PLCB1: variants seen among roughly 807,000 people sequenced by gnomAD.
PLCB1 encodes 1-phosphatidylinositol 4,5-bisphosphate phosphodiesterase beta-1.
PLCB1 carries 46 observed loss-of-function variants against 161.8 expected under a neutral mutation model. The observed-to-expected ratio is 0.28, with a 90% confidence interval of 0.22 to 0.36. The LOEUF is 0.36. Among genes scored for constraint, PLCB1 ranks in the 10% least tolerant of loss-of-function variants. The pLI is 1.00. For missense variants in PLCB1, 1,016 were observed against 1,472.5 expected (o/e 0.69, Z 5.07); for synonymous variants, 517 against 503.7 (o/e 1.03, Z -0.35).
chr20:8,644,056 T>C (rs1371519221), intron 4 of PLCB1, among the ~76,000 whole-genome samples: 1,570 of 146,974 alleles, frequency 0.011, 1 homozygote, highest in African/African-American at 0.031. Context: ...CTCGGCATCC[T>C]GAGGTGCCGG....
At chr20:8,315,562 ACTTGTGTT>A (rs1568628745) in intron 2 of PLCB1, among the ~76,000 whole-genome samples, 1 of 152,204 alleles carries the variant, frequency 6.6e-6, no homozygotes, top group African/African-American at 2.4e-5. Context: ...ACCCTTTCTC[ACTTGTGTT>A]CTTGTGTTCT....
intron 2 of PLCB1, among the ~76,000 whole-genome samples, chr20:8,306,731 A>T (rs1392148414): frequency 6.6e-6 from 1 of 152,142 alleles, no homozygotes; most frequent in African/African-American, 2.4e-5. Context: ...CTTTTACCCA[A>T]TTTTTTTGTT....
intron 2 of PLCB1, among the ~76,000 whole-genome samples, chr20:8,296,854 CATT>C (rs1300703860): frequency 2.0e-5 from 3 of 152,114 alleles, no homozygotes; most frequent in African/African-American, 7.2e-5. Flanking sequence ...TTCATGCAGA[CATT>C]ATATATCATG....
At chr20:8,471,183 A>G (rs893446517) in intron 3 of PLCB1, among the ~76,000 whole-genome samples, 1 of 152,186 alleles carries the variant, frequency 6.6e-6, no homozygotes, top group Non-Finnish European at 1.5e-5. Flanking sequence ...TTTATATCAA[A>G]AAGGGGTCTG....
At chr20:8,591,338 AC>A (rs1987145418) in intron 3 of PLCB1, among the ~76,000 whole-genome samples, 1 of 152,168 alleles carries the variant, frequency 6.6e-6, no homozygotes, top group South Asian at 2.1e-4. Context: ...TTACTTAATC[AC>A]CAGGGAGACA....
At chr20:8,583,596 T>C (rs1986899252) in intron 3 of PLCB1, among the ~76,000 whole-genome samples, 1 of 152,176 alleles carries the variant, frequency 6.6e-6, no homozygotes, top group Non-Finnish European at 1.5e-5. Flanking sequence ...TGTGCTTTCG[T>C]TGAGCAGAGA....
At chr20:8,324,419 A>G (rs1985060631) in intron 2 of PLCB1, among the ~76,000 whole-genome samples, 2 of 152,176 alleles carry the variant, frequency 1.3e-5, no homozygotes, top group Admixed American at 6.5e-5. Context: ...GTATAGAGAG[A>G]GTAGGTGGAT....
At chr20:8,721,728 C>G (rs2123476232) in intron 14 of PLCB1, among the ~76,000 whole-genome samples, 1 of 152,280 alleles carries the variant, frequency 6.6e-6, no homozygotes, top group South Asian at 2.1e-4. Flanking sequence ...AGCTTGCAGA[C>G]AAATCATAGG....
chr20:8,529,766 C>T (rs1408578787), intron 3 of PLCB1, among the ~76,000 whole-genome samples: 1 of 152,022 alleles, frequency 6.6e-6, no homozygotes, highest in Non-Finnish European at 1.5e-5. Context: ...GTTTAACGTA[C>T]GTTTCTGTGC....
intron 3 of PLCB1, among the ~76,000 whole-genome samples, chr20:8,491,137 ACT>A (rs1195289134): frequency 6.6e-6 from 1 of 151,556 alleles, no homozygotes; most frequent in African/African-American, 2.4e-5. Flanking sequence ...TATTTGCCTA[ACT>A]CAAATATTTT....
At chr20:8,636,718 A>G (rs1485690692) in intron 4 of PLCB1, among the ~76,000 whole-genome samples, 1 of 152,218 alleles carries the variant, frequency 6.6e-6, no homozygotes, top group Non-Finnish European at 1.5e-5. Flanking sequence ...TTTTGGAGCC[A>G]GAGAGTGCTC....
chr20:8,836,018 G>A (rs6086622), intron 31 of PLCB1, among the ~76,000 whole-genome samples: 39,155 of 151,252 alleles, frequency 0.26, 6,749 homozygotes, highest in East Asian at 0.62. Flanking sequence ...CTGGCTAGTT[G>A]AGGATGGTCT....
chr20:8,402,466 A>T (rs1310732024), intron 3 of PLCB1, among the ~76,000 whole-genome samples: 1 of 152,022 alleles, frequency 6.6e-6, no homozygotes. Context: ...ATTTCTAACC[A>T]CCTTTTATTA....
At chr20:8,802,291 T>C in intron 31 of PLCB1, 1 of 587,948 alleles carries the variant, frequency 1.7e-6, no homozygotes, top group Non-Finnish European at 3.0e-6. Context: ...CATTCCCATC[T>C]TTTTTTTCTG....
At chr20:8,252,198 A>G (rs1359576375) in intron 2 of PLCB1, among the ~76,000 whole-genome samples, 1 of 151,960 alleles carries the variant, frequency 6.6e-6, no homozygotes, top group African/African-American at 2.4e-5. Context: ...CCAAACAAGC[A>G]TGGAAGTCCT....
At chr20:8,637,351 A>G (rs1339500498) in intron 4 of PLCB1, among the ~76,000 whole-genome samples, 1 of 152,242 alleles carries the variant, frequency 6.6e-6, no homozygotes, top group Non-Finnish European at 1.5e-5. Flanking sequence ...TTACAGGCAT[A>G]ATCAGCCAAT....
chr20:8,685,372 A>C (rs1050678010), intron 10 of PLCB1, among the ~76,000 whole-genome samples: 2 of 152,048 alleles, frequency 1.3e-5, no homozygotes, highest in African/African-American at 2.4e-5. Flanking sequence ...CTCATTCTTC[A>C]GTGTACTTGA....
intron 18 of PLCB1, among the ~76,000 whole-genome samples, chr20:8,731,260 A>G (rs1980229401): frequency 6.6e-6 from 1 of 151,974 alleles, no homozygotes; most frequent in Non-Finnish European, 1.5e-5. Context: ...AATTTAATAC[A>G]TTTATATAAT....
At chr20:8,750,828 A>AT in intron 23 of PLCB1, 2 of 1,364,632 alleles carry the variant, frequency 1.5e-6, no homozygotes, top group Non-Finnish European at 2.0e-6. Context: ...TGATGAAATT[A>AT]TGAGACTCAC....
Sources: allele counts gnomAD v4.1 joint callset (sites outside exome capture counted in the v4.1 genomes callset), GRCh38; gene constraint gnomAD v4.1.1; transcripts MANE v1.5; gene names NCBI Gene and HGNC (gene_info 2026-07-23, HGNC 2026-07-21).